The following CERS6 variants were observed in gnomAD, a reference collection of about 807,000 sequenced individuals.
The protein encoded by CERS6 is LAG1 homolog, ceramide synthase 6.
CERS6 carries 26 observed loss-of-function variants against 56.8 expected under a neutral mutation model. That is an observed-to-expected ratio of 0.46 (90% CI 0.34 to 0.63). The LOEUF (loss-of-function observed/expected upper bound fraction) is 0.63, where lower values mean the gene tolerates loss of function less well. CERS6 is among the 30% of genes least tolerant of loss of function. The pLI, the probability that CERS6 is intolerant of heterozygous loss-of-function variation, is 0.01. For synonymous variants in CERS6, 164 were observed against 173.3 expected, an observed-to-expected ratio of 0.95 and a Z score of 0.42; for missense variants, 415 against 467.5, an observed-to-expected ratio of 0.89 and a Z score of 1.04.
chr2:168,456,725 A>C lies in CERS6; in HGVS notation c.170+107A>C. ...CCCCGCGCCCCCAACGCTCGCGTTCACGCCTCCCAACCTTTGTGTTCGGGG... is the reference window on the plus strand; with the variant it reads ...CCCCGCGCCCCCAACGCTCGCGTTCCCGCCTCCCAACCTTTGTGTTCGGGG... On this transcript the variant is annotated intron_variant, in intron 1 of 9. Transcript: ENST00000305747. The surrounding 1 kb of genome is among the most constrained non-coding windows in gnomAD (Gnocchi z 4.1). The C allele has an allele frequency of 9.4e-7, 1 of 1,066,696 alleles. No individual in the cohort carries two copies. The highest frequency in any genetic ancestry group is 1.4e-6 in the Non-Finnish European group (1 of 732,964). The allele number at this position is 1,066,696 out of a possible 1,614,324, so 66.1% of individuals were successfully genotyped here. A position where few individuals can be genotyped will look rare whatever the true frequency, so the allele number is the denominator to read the frequency against.
At chr2:168,593,997 T>C (rs1463404510) in intron 3 of CERS6, among the ~76,000 whole-genome samples, 1 of 152,222 alleles carries the variant, frequency 6.6e-6, no homozygotes, top group African/African-American at 2.4e-5. Context: ...ACTTTCAACT[T>C]TTACCAACTA....
intron 3 of CERS6, among the ~76,000 whole-genome samples, chr2:168,604,883 T>C (rs898030256): frequency 1.3e-5 from 2 of 152,206 alleles, no homozygotes; most frequent in Non-Finnish European, 2.9e-5. Context: ...GGTATTTCTT[T>C]AGAGCCATGT....
At position 168,566,024 on chromosome 2, in the gene CERS6, G is replaced by A. The variant is rs1056148664; in HGVS notation, c.407+4702G>A. 6.6e-5 allele frequency among the ~76,000 whole-genome samples: 10 copies of A among 152,164 alleles called. No individual in the cohort carries two copies. The East Asian group carries it at 1.7e-3, about 26-fold the overall frequency. ...ACTCAGGATAATATAAAATAAATAA[G>A]ATATTAAATATATTTGCTGGATGTA... On this transcript the variant is annotated intron_variant, in intron 3 of 9. Coordinates refer to ENST00000305747, the MANE Select transcript of CERS6 (RefSeq NM_203463.3).
chr2:168,464,749 G>A (rs1279370253), intron 1 of CERS6, among the ~76,000 whole-genome samples: 2 of 150,800 alleles, frequency 1.3e-5, no homozygotes, highest in African/African-American at 4.9e-5. Context: ...TAAATTCTGG[G>A]TGAGTGAGAC....
intron 3 of CERS6, among the ~76,000 whole-genome samples, chr2:168,624,003 T>C (rs1375658563): frequency 6.6e-6 from 1 of 152,170 alleles, no homozygotes; most frequent in Non-Finnish European, 1.5e-5. Context: ...TTAAGAACAA[T>C]GTCTGCTTCA....
intron 3 of CERS6, among the ~76,000 whole-genome samples, chr2:168,571,651 T>C (rs558388929): frequency 1.5e-4 from 23 of 152,312 alleles, no homozygotes; most frequent in Non-Finnish European, 2.2e-4. Flanking sequence ...TGGAGCCAAC[T>C]ACTTTTATTC....
At chr2:168,692,323 A>G (rs767916052) in intron 5 of CERS6, among the ~76,000 whole-genome samples, 1 of 152,188 alleles carries the variant, frequency 6.6e-6, no homozygotes, top group Non-Finnish European at 1.5e-5. Flanking sequence ...GAGTAGCAAA[A>G]TCCGTGTATG....
At chr2:168,620,787 A>C (rs1331824655) in intron 3 of CERS6, among the ~76,000 whole-genome samples, 1 of 143,180 alleles carries the variant, frequency 7.0e-6, no homozygotes, top group Admixed American at 7.0e-5. Flanking sequence ...TTTTAAGACA[A>C]GGTCTTGCTC....
intron 3 of CERS6, among the ~76,000 whole-genome samples, chr2:168,598,347 A>G (rs1683851221): frequency 6.6e-6 from 1 of 152,200 alleles, no homozygotes; most frequent in Admixed American, 6.5e-5. Flanking sequence ...GGGAAGAGAA[A>G]ACATATCTTC....
intron 3 of CERS6, among the ~76,000 whole-genome samples, chr2:168,617,476 G>A (rs1161443472): frequency 2.6e-5 from 4 of 152,058 alleles, no homozygotes; most frequent in Non-Finnish European, 2.9e-5. Context: ...AAAATTAATA[G>A]ACCATTAGCA....
chr2:168,608,483 C>G (rs1684107611), intron 3 of CERS6, among the ~76,000 whole-genome samples: 1 of 152,182 alleles, frequency 6.6e-6, no homozygotes, highest in Non-Finnish European at 1.5e-5. Context: ...CTAAGATACA[C>G]CATTTCATCT....
At chr2:168,638,063 GA>G (rs59768436) in intron 4 of CERS6, among the ~76,000 whole-genome samples, 17 of 150,298 alleles carry the variant, frequency 1.1e-4, no homozygotes, top group African/African-American at 2.0e-4. Flanking sequence ...TGTTTGGTCT[GA>G]AAAAAAAAAT....
At chr2:168,457,206 G>A (rs1417152140) in intron 1 of CERS6, among the ~76,000 whole-genome samples, 1 of 152,252 alleles carries the variant, frequency 6.6e-6, no homozygotes, top group African/African-American at 2.4e-5. Context: ...CAGGCCCACA[G>A]TCCTGGCAAA....
chr2:168,611,388 C>A (rs559961552), intron 3 of CERS6, among the ~76,000 whole-genome samples: 4 of 152,088 alleles, frequency 2.6e-5, no homozygotes, highest in Non-Finnish European at 4.4e-5. Context: ...CCTGCCTAGA[C>A]CCTGTAGAGA....
Position 168,526,564 on chromosome 2 carries a change from A to T in CERS6, c.171-21032A>T, listed in dbSNP as rs545563813. 9.3e-4 allele frequency among the ~76,000 whole-genome samples: 141 copies of T among 152,372 alleles called. 1 individual carries two copies. The Middle Eastern group carries it at 0.014, about 15-fold the overall frequency. On this transcript the variant is annotated intron_variant, in intron 1 of 9. Coordinates refer to ENST00000305747, the MANE Select transcript of CERS6 (RefSeq NM_203463.3). ...AATTCTTTAAACAGCCATATGGTCC[A>T]GGTGATATAACTGTATTACAGAAAA...
intron 1 of CERS6, among the ~76,000 whole-genome samples, chr2:168,483,778 G>T (rs953447180): frequency 6.6e-6 from 1 of 152,142 alleles, no homozygotes; most frequent in Admixed American, 6.6e-5. Flanking sequence ...ATAACTAGGC[G>T]TATTGGAACT....
chr2:168,485,849 G>A (rs1694266361), intron 1 of CERS6, among the ~76,000 whole-genome samples: 1 of 152,112 alleles, frequency 6.6e-6, no homozygotes, highest in African/African-American at 2.4e-5. Flanking sequence ...AACCATTTGG[G>A]TTAATACCTA....
rs76279968 is a variant in CERS6 at position 168,745,154 on chromosome 2, G to A, written c.846-20438G>A. ...GTTTTGCAATGGAAAGCACCATTACGAATAAAAGTTGATTTTTGAATCATC... is the reference window on the plus strand; with the variant it reads ...GTTTTGCAATGGAAAGCACCATTACAAATAAAAGTTGATTTTTGAATCATC... On this transcript the variant is annotated intron_variant, in intron 8 of 9. Transcript: ENST00000305747. Among the ~76,000 whole-genome samples, 1,341 of 152,256 alleles carry A rather than the reference G, an allele frequency of 8.8e-3. 24 individuals carry two copies. The highest frequency in any genetic ancestry group is 0.03 in the African/African-American group (1,249 of 41,544).
chr2:168,706,456 A>G (rs1010297498), intron 6 of CERS6, among the ~76,000 whole-genome samples: 1 of 152,178 alleles, frequency 6.6e-6, no homozygotes, highest in Non-Finnish European at 1.5e-5. Context: ...TGGTTATTTC[A>G]TTTCTATATG....
Sources: gnomAD v4.1 joint callset for allele counts (sites outside exome capture counted in the v4.1 genomes callset) on GRCh38, gnomAD v4.1.1 for gene constraint, Gnocchi (gnomAD v3.1) non-coding constraint, MANE v1.5 for transcripts, NCBI Gene and HGNC (gene_info 2026-07-23, HGNC 2026-07-21) for gene names.